The following NIBAN2 variants were observed in gnomAD, a reference collection of about 807,000 sequenced individuals.
NIBAN2 encodes niban apoptosis regulator 2, also known as protein Niban 2.
NIBAN2 carries 36 observed loss-of-function variants against 81.8 expected under a neutral mutation model. That is an observed-to-expected ratio of 0.44 (90% confidence interval 0.34 to 0.58). The LOEUF (loss-of-function observed/expected upper bound fraction) is 0.58. Ranked by LOEUF, NIBAN2 falls within the 20% of genes least tolerant of loss-of-function variation. The probability of loss-of-function intolerance (pLI) is 0.02; values close to 1 mark genes in which losing one functional copy is unlikely to be tolerated. For missense variants in NIBAN2, 897 were observed against 1,014.1 expected, an observed-to-expected ratio of 0.88 and a Z score of 1.57; for synonymous variants, 445 against 441.6, an observed-to-expected ratio of 1.01 and a Z score of -0.10.
Position 127,521,518 on chromosome 9 carries a change from G to A in NIBAN2, c.589+2161C>T, listed in dbSNP as rs562445223. Among the ~76,000 whole-genome samples the A allele has an allele frequency of 1.4e-4, 21 of 152,266 alleles. 1 individual carries two copies. In the South Asian group the frequency reaches 2.1e-3, roughly 15 times the overall value. ...AGGATGTGAAGGGGTCCCTGGGACC[G>A]CTGGTGTCCGCCCAGTTGGCCTCCT... On this transcript the variant is annotated intron_variant, in intron 5 of 13. Transcript: ENST00000373312.
chr9:127,541,962 G>C (rs572304154), intron 1 of NIBAN2, among the ~76,000 whole-genome samples: 1 of 152,192 alleles, frequency 6.6e-6, no homozygotes, highest in East Asian at 1.9e-4. Context: ...GGCCAGTCAA[G>C]TGGCCACCCA....
At chr9:127,509,724 T>C (rs539232113) in intron 9 of NIBAN2, among the ~76,000 whole-genome samples, 65 of 150,772 alleles carry the variant, frequency 4.3e-4, no homozygotes, top group Non-Finnish European at 7.5e-4. Context: ...ACTTGTGAAT[T>C]CTTCCTTATC....
At chr9:127,578,540 T>C (rs903845837) in intron 1 of NIBAN2, among the ~76,000 whole-genome samples, 1 of 150,778 alleles carries the variant, frequency 6.6e-6, no homozygotes, top group Admixed American at 6.6e-5. Flanking sequence ...TGGGGCCCTG[T>C]CATCCCAGCT....
At chr9:127,521,381 C>A (rs937705066) in intron 5 of NIBAN2, among the ~76,000 whole-genome samples, 18 of 152,148 alleles carry the variant, frequency 1.2e-4, no homozygotes, top group Non-Finnish European at 2.5e-4. Flanking sequence ...CAGAGGGGGA[C>A]CACGGTCAGA....
At position 127,516,979 on chromosome 9, in the gene NIBAN2, T is replaced by A. The variant is rs1276762151; in HGVS notation, c.851A>T (p.Lys284Met). ...AVYHMVYEQA[K>M]ARFEEVLSKV... Reference sequence around the variant, plus strand: ...GGACAGCACCTCCTCGAAGCGCGCCTTGGCCTGCTCGTACACCATGTGGTA... The same window carrying A: ...GGACAGCACCTCCTCGAAGCGCGCCATGGCCTGCTCGTACACCATGTGGTA... Residue 284 changes from lysine to methionine, a missense_variant, in exon 8 of 14, where the codon AAG (lysine) becomes ATG (methionine). Physicochemically the swap from Lys to Met is moderately conservative, Grantham distance 95. This residue lies in a region of NIBAN2 where 619 missense variants were observed against 691.0 expected (regional missense o/e 0.90). Transcript: ENST00000373312. 2 of 1,613,902 alleles carry A rather than the reference T, an allele frequency of 1.2e-6. No individual in the cohort carries two copies. The highest frequency in any genetic ancestry group is 2.7e-5 in the African/African-American group (2 of 74,908).
chr9:127,523,613 A>ACCATT, intron 5 of NIBAN2, 66 bp downstream of exon 5: 1 of 1,527,844 alleles, frequency 6.5e-7, no homozygotes, highest in South Asian at 1.2e-5. Context: ...ACTAGGTGTC[A>ACCATT]CCATTCAGCA....
intron 1 of NIBAN2, among the ~76,000 whole-genome samples, chr9:127,577,832 C>T (rs1442310056): frequency 6.6e-6 from 1 of 152,134 alleles, no homozygotes; most frequent in Non-Finnish European, 1.5e-5. Context: ...CCTCCCGACC[C>T]AGCCTCCTGA....
At chr9:127,511,035 C>A (rs1258721996) in intron 8 of NIBAN2, among the ~76,000 whole-genome samples, 2 of 151,940 alleles carry the variant, frequency 1.3e-5, no homozygotes, top group East Asian at 3.9e-4. Flanking sequence ...TCTCTCTTCC[C>A]ATCATATTAT....
intron 1 of NIBAN2, among the ~76,000 whole-genome samples, chr9:127,549,359 A>G (rs1043139677): frequency 2.6e-5 from 4 of 151,346 alleles, no homozygotes; most frequent in Non-Finnish European, 5.9e-5. Context: ...TGCATGCCAC[A>G]CACATGCACT....
At chr9:127,550,396 C>G (rs1272243075) in intron 1 of NIBAN2, among the ~76,000 whole-genome samples, 1 of 152,236 alleles carries the variant, frequency 6.6e-6, no homozygotes, top group Admixed American at 6.5e-5. Flanking sequence ...GTTGCCAGCT[C>G]GCTCACACAG....
intron 8 of NIBAN2, among the ~76,000 whole-genome samples, chr9:127,514,967 C>G (rs1836797646): frequency 6.6e-6 from 1 of 152,086 alleles, no homozygotes; most frequent in Non-Finnish European, 1.5e-5. Flanking sequence ...AGTTCGAGAC[C>G]AGCCTGGGCA....
At position 127,525,132 on chromosome 9, in the gene NIBAN2, A is replaced by G. The variant is rs143200470; in HGVS notation, c.347T>C (p.Val116Ala). The G allele has an allele frequency of 2.5e-4, 409 of 1,614,096 alleles. 1 individual carries two copies. The African/African-American group carries it at 5.2e-3, about 20-fold the overall frequency. The change falls in exon 4 of 14, where the codon GTC (valine) becomes GCC (alanine). Residue 116 changes from valine (V) to alanine (A), a missense_variant. Physicochemically the swap from Val to Ala is moderately conservative, Grantham distance 64. Coordinates refer to ENST00000373312, the MANE Select transcript of NIBAN2 (RefSeq NM_022833.4). The part of the protein sequence containing the change: ...AYERQVPPRA[V>A]INSAGYKILT... ...GATTTTGTAGCCTGCACTGTTGATG[A>G]CGGCTCGTGGTGGGACCTGCCGCTC...
At chr9:127,546,564 T>C (rs1891728) in intron 1 of NIBAN2, among the ~76,000 whole-genome samples, 56,415 of 151,938 alleles carry the variant, frequency 0.37, 12,162 homozygotes, top group East Asian at 0.6. Flanking sequence ...TGTCAACCAC[T>C]CAGCCCCGCC....
rs560007259 is a variant in NIBAN2 at position 127,507,324 on chromosome 9, C to A, written c.1762G>T (p.Asp588Tyr). 4 of 1,566,922 alleles carry A rather than the reference C, an allele frequency of 2.6e-6. No homozygotes were observed. Among genetic ancestry groups the A allele is most frequent in the East Asian group, 2.3e-5 (1 of 44,158 alleles). Residue 588 changes from aspartate (D) to tyrosine (Y), a missense_variant, in exon 14 of 14, where the codon GAC (aspartate) becomes TAC (tyrosine). This residue lies in a region of NIBAN2 where 619 missense variants were observed against 691.0 expected (regional missense o/e 0.90). Transcript: ENST00000373312. This position sits in a 1 kb window ranked among gnomAD's most constrained non-coding sequence, Gnocchi z 6.8. ...LHLLAEGAPI[D>Y]WGEEYSNSGG... Reference sequence around the variant, plus strand: ...CTGTTGCTGTACTCCTCGCCCCAGTCGATGGGGGCGCCCTCGGCCAGCAGG... The same window carrying A: ...CTGTTGCTGTACTCCTCGCCCCAGTAGATGGGGGCGCCCTCGGCCAGCAGG...
At chr9:127,540,652 C>T (rs1203948107) in intron 1 of NIBAN2, among the ~76,000 whole-genome samples, 1 of 152,202 alleles carries the variant, frequency 6.6e-6, no homozygotes, top group Non-Finnish European at 1.5e-5. Context: ...GGATCTGCAC[C>T]CTGGTCCCGA....
At chr9:127,526,099 C>T (rs929551145) in intron 3 of NIBAN2, among the ~76,000 whole-genome samples, 23 of 152,116 alleles carry the variant, frequency 1.5e-4, no homozygotes, top group Admixed American at 1.1e-3. Context: ...CGAGAACTTA[C>T]TAGAAATGCA....
upstream of NIBAN2, among the ~76,000 whole-genome samples, chr9:127,569,400 C>A (rs1246573442): frequency 6.6e-6 from 1 of 151,864 alleles, no homozygotes; most frequent in Admixed American, 6.6e-5. Flanking sequence ...GCGCACCCGC[C>A]CTGTACCTAA....
At chr9:127,526,994 G>A (rs1320535192) in intron 3 of NIBAN2, among the ~76,000 whole-genome samples, 200 bp downstream of exon 3, 1 of 152,168 alleles carries the variant, frequency 6.6e-6, no homozygotes, top group Admixed American at 6.5e-5. Context: ...CCCCAGAGAT[G>A]AAGAATGAGC....
chr9:127,567,756 C>T (rs1178902196), intron 1 of NIBAN2, among the ~76,000 whole-genome samples: 1 of 152,210 alleles, frequency 6.6e-6, no homozygotes, highest in Non-Finnish European at 1.5e-5. Flanking sequence ...CGTCACCCCA[C>T]ATACAAGTGC....
Sources: gnomAD v4.1 joint callset for allele counts (sites outside exome capture counted in the v4.1 genomes callset) on GRCh38, gnomAD v4.1.1 for gene constraint, gnomAD v4.1.1 regional missense constraint, Gnocchi (gnomAD v3.1) non-coding constraint, MANE v1.5 for transcripts, NCBI Gene and HGNC (gene_info 2026-07-23, HGNC 2026-07-21) for gene names.